The following RANBP17 variants were observed in gnomAD, a reference collection of about 807,000 sequenced individuals.
RANBP17 encodes the protein RAN binding protein 17.
In RANBP17, 158 loss-of-function variants were observed where a neutral mutation model predicts 141.2. The observed-to-expected ratio is 1.12, with a 90% CI of 0.98 to 1.28. RANBP17 has a LOEUF of 1.28. RANBP17 is among the 50% of genes most tolerant of loss of function. The pLI is 0.00. For missense variants in RANBP17, 1,438 were observed against 1,290.7 expected, an observed-to-expected ratio of 1.11 and a Z score of -1.75; for synonymous variants, 430 against 450.0, an observed-to-expected ratio of 0.96 and a Z score of 0.56.
chr5:171,043,766 A>G (rs1782398178), intron 14 of RANBP17, among the ~76,000 whole-genome samples: 1 of 152,196 alleles, frequency 6.6e-6, no homozygotes. Context: ...TATGGTTCTG[A>G]TAATATTTAT....
intron 14 of RANBP17, among the ~76,000 whole-genome samples, chr5:171,070,843 T>G: frequency 6.6e-6 from 1 of 152,116 alleles, no homozygotes; most frequent in East Asian, 1.9e-4. Flanking sequence ...TTACTCTTAT[T>G]TACACATTTA....
chr5:170,887,760 A>G (rs1769279983), intron 3 of RANBP17, among the ~76,000 whole-genome samples: 1 of 152,172 alleles, frequency 6.6e-6, no homozygotes, highest in Non-Finnish European at 1.5e-5. Flanking sequence ...TGGAGGATGG[A>G]AAGTTCAAGA....
chr5:171,080,528 T>G (rs555613481), intron 14 of RANBP17, among the ~76,000 whole-genome samples: 40 of 152,302 alleles, frequency 2.6e-4, no homozygotes, highest in African/African-American at 9.6e-4. Flanking sequence ...GTTTGACATT[T>G]TGTCTGACCT....
intron 21 of RANBP17, among the ~76,000 whole-genome samples, chr5:171,218,083 C>T (rs1304564901): frequency 1.3e-5 from 2 of 152,076 alleles, no homozygotes; most frequent in South Asian, 2.1e-4. Flanking sequence ...GATTCTAGTA[C>T]GTTGTCTCTT....
intron 14 of RANBP17, among the ~76,000 whole-genome samples, chr5:171,030,094 C>G (rs1402332246): frequency 6.6e-6 from 1 of 151,984 alleles, no homozygotes; most frequent in Non-Finnish European, 1.5e-5. Flanking sequence ...AGTGAGTTTG[C>G]TACAGTAATG....
intron 13 of RANBP17, among the ~76,000 whole-genome samples, chr5:170,967,867 ATACT>A (rs1206940314): frequency 6.6e-6 from 1 of 151,760 alleles, no homozygotes; most frequent in African/African-American, 2.4e-5. Flanking sequence ...ACAAGACTAC[ATACT>A]TAATATCCTT....
At chr5:170,973,213 A>G (rs1232269100) in intron 14 of RANBP17, among the ~76,000 whole-genome samples, 1 of 152,222 alleles carries the variant, frequency 6.6e-6, no homozygotes, top group Non-Finnish European at 1.5e-5. Context: ...TGATTCATAT[A>G]TGCATTTAAA....
chr5:171,161,083 C>T (rs1368299703), intron 14 of RANBP17, among the ~76,000 whole-genome samples: 2 of 152,166 alleles, frequency 1.3e-5, no homozygotes, highest in Non-Finnish European at 2.9e-5. Flanking sequence ...TGAGCCACCG[C>T]GCCCGGCTGA....
chr5:171,232,389 G>T (rs1481928336), intron 22 of RANBP17, among the ~76,000 whole-genome samples: 1 of 152,154 alleles, frequency 6.6e-6, no homozygotes, highest in Non-Finnish European at 1.5e-5. Flanking sequence ...ACCACCATAA[G>T]CATACAGCCT....
intron 4 of RANBP17, among the ~76,000 whole-genome samples, chr5:170,893,142 AAT>A (rs1191918088): frequency 2.0e-5 from 3 of 152,040 alleles, no homozygotes; most frequent in Non-Finnish European, 4.4e-5. Flanking sequence ...ATCAATAAAG[AAT>A]AGTTATTTTA....
rs1321268028 is a variant in RANBP17, at chr5:170,981,974, G to A, written c.1710+13597G>A. 2.6e-5 allele frequency among the ~76,000 whole-genome samples: 4 copies of A among 152,128 alleles called. 1 individual carries two copies. The highest frequency in any genetic ancestry group is 4.1e-4 in the South Asian group (2 of 4,824). ...TTAGGATTAATTATATTCCCAGAAC[G>A]CTTACCTGTCCCAGCACAACTGGAG... On this transcript the variant is annotated intron_variant, in intron 14 of 27. Coordinates refer to ENST00000523189, the MANE Select transcript of RANBP17 (RefSeq NM_022897.5).
intron 16 of RANBP17, among the ~76,000 whole-genome samples, chr5:171,175,040 A>T (rs1760354555): frequency 6.6e-6 from 1 of 151,980 alleles, no homozygotes. Context: ...TATGAGTGAG[A>T]ACATGTGGTG....
intron 1 of RANBP17, among the ~76,000 whole-genome samples, chr5:170,871,401 G>T (rs1310752278): frequency 1.3e-5 from 2 of 152,030 alleles, no homozygotes; most frequent in Non-Finnish European, 2.9e-5. Context: ...TTTGTTTAAG[G>T]TTCTATGTAA....
At chr5:170,889,850 G>A (rs572719028) in intron 3 of RANBP17, among the ~76,000 whole-genome samples, 1 of 152,168 alleles carries the variant, frequency 6.6e-6, no homozygotes, top group South Asian at 2.1e-4. Context: ...CCAGTGAGGA[G>A]GAGATTGCTG....
chr5:171,241,161 TG>T lies in RANBP17; in HGVS notation c.2637+22del. The T allele has an allele frequency of 6.4e-7, 1 of 1,573,096 alleles. No homozygotes were observed. The highest frequency in any genetic ancestry group is 8.7e-7 in the Non-Finnish European group (1 of 1,145,174). On this transcript the variant is annotated intron_variant, in intron 23 of 27. Coordinates refer to ENST00000523189, the MANE Select transcript of RANBP17 (RefSeq NM_022897.5). Reference sequence around the variant, plus strand: ...CTTGCTAGTAAGCAATCATGCATCATGGGAGTGTTTGTATGAAATGTGAAGT... The same window carrying T: ...CTTGCTAGTAAGCAATCATGCATCATGGAGTGTTTGTATGAAATGTGAAGT...
chr5:171,078,312 G>T (rs1285879203), intron 14 of RANBP17, among the ~76,000 whole-genome samples: 3 of 151,880 alleles, frequency 2.0e-5, no homozygotes. Flanking sequence ...ACAGGCACCT[G>T]CCACCACGCC....
intron 22 of RANBP17, among the ~76,000 whole-genome samples, chr5:171,225,915 G>T (rs1763852610): frequency 6.6e-6 from 1 of 152,066 alleles, no homozygotes; most frequent in South Asian, 2.1e-4. Flanking sequence ...AGCTCCTCTT[G>T]CCGTTACAGC....
chr5:171,133,676 G>A (rs2127794045), intron 14 of RANBP17, among the ~76,000 whole-genome samples: 1 of 152,294 alleles, frequency 6.6e-6, no homozygotes, highest in Non-Finnish European at 1.5e-5. Flanking sequence ...GGAATTTTCA[G>A]CTCATATTTA....
chr5:171,126,914 C>G (rs1756512764), intron 14 of RANBP17, among the ~76,000 whole-genome samples: 1 of 152,156 alleles, frequency 6.6e-6, no homozygotes. Context: ...TCTAATATCT[C>G]ACACCAATGC....
Sources: allele counts gnomAD v4.1 joint callset (sites outside exome capture counted in the v4.1 genomes callset), GRCh38; gene constraint gnomAD v4.1.1; transcripts MANE v1.5; gene names NCBI Gene and HGNC (gene_info 2026-07-23, HGNC 2026-07-21).